PLEKHG1: variants seen among roughly 807,000 people sequenced by gnomAD.
PLEKHG1 encodes the protein pleckstrin homology domain-containing family G member 1.
PLEKHG1 carries 44 observed loss-of-function variants against 100.8 expected under a neutral mutation model. The observed-to-expected ratio is 0.44, with a 90% CI of 0.34 to 0.56. The LOEUF (loss-of-function observed/expected upper bound fraction) is 0.56, where lower values mean the gene tolerates loss of function less well. Ranked by LOEUF, PLEKHG1 falls within the 20% of genes least tolerant of loss-of-function variation. The pLI is 0.01. For synonymous variants in PLEKHG1, 640 were observed against 662.5 expected, an observed-to-expected ratio of 0.97 and a Z score of 0.52; for missense variants, 1,545 against 1,720.9, an observed-to-expected ratio of 0.90 and a Z score of 1.81.
intron 3 of PLEKHG1, among the ~76,000 whole-genome samples, chr6:150,715,595 C>T (rs1321321780): frequency 6.7e-6 from 1 of 149,488 alleles, no homozygotes; most frequent in African/African-American, 2.5e-5. Flanking sequence ...TCAAGTGATT[C>T]TCCTGCCTCA....
At chr6:150,644,951 C>A (rs1038296968) in intron 2 of PLEKHG1, among the ~76,000 whole-genome samples, 5 of 151,536 alleles carry the variant, frequency 3.3e-5, no homozygotes, top group African/African-American at 1.2e-4. Context: ...CTAGTGTAAC[C>A]CCAATCAAAT....
In PLEKHG1 at chr6:150,677,078, A is replaced by G. The variant is rs1470133645; in HGVS notation, c.-99+26292A>G. Among the ~76,000 whole-genome samples the G allele has an allele frequency of 2.0e-5, 3 of 152,252 alleles. No individual in the cohort carries two copies. In the East Asian group the frequency reaches 5.8e-4, roughly 29 times the overall value. ...AGGCTGCCACCACCTCTTCCTTAGC[A>G]GGTGTCTATCTCCATACTTGCATTG... is the stretch of plus-strand genomic sequence containing the variant. On this transcript the variant is annotated intron_variant, in intron 3 of 3. Transcript: ENST00000367326.
exon 16 of PLEKHG1, chr6:150,840,474 C>A (rs779223566): frequency 1.9e-6 from 3 of 1,614,132 alleles, no homozygotes; most frequent in Middle Eastern, 3.3e-4. Flanking sequence ...CCAAGACTCA[C>A]AGAAAGTTGT....
At position 150,600,354 on chromosome 6, in the gene PLEKHG1, C is replaced by A; in HGVS notation, c.-204+337C>A. Among the ~76,000 whole-genome samples, 1 of 152,000 alleles carries A rather than the reference C, an allele frequency of 6.6e-6. No individual in the cohort carries two copies. The highest frequency in any genetic ancestry group is 2.4e-5 in the African/African-American group (1 of 41,412). On this transcript the variant is annotated intron_variant, in intron 1 of 3. Transcript: ENST00000367326. This position sits in a 1 kb window ranked among gnomAD's most constrained non-coding sequence, Gnocchi z 6.2. ...CCAAGTTCCCGGTGCTCCCGCCCCT[C>A]GCCCCAGCGGCTGCAACATCAGCGC...
intron 3 of PLEKHG1, among the ~76,000 whole-genome samples, chr6:150,704,805 A>T (rs1166002051): frequency 6.6e-6 from 1 of 152,256 alleles, no homozygotes; most frequent in Non-Finnish European, 1.5e-5. Context: ...TAAGTCCAAG[A>T]TCAAGGTGCT....
At chr6:150,764,117 C>CTTT (rs67507838) in intron 2 of PLEKHG1, among the ~76,000 whole-genome samples, 19,284 of 145,302 alleles carry the variant, frequency 0.13, 1,460 homozygotes, top group Admixed American at 0.17. Flanking sequence ...TTTTCTTTTT[C>CTTT]TTTTTCTTTT....
rs9398027 is a variant in PLEKHG1, at chr6:150,602,804, A to G, written c.-204+2787A>G. Among the ~76,000 whole-genome samples, 13 of 152,326 alleles carry G rather than the reference A, an allele frequency of 8.5e-5. No individual in the cohort carries two copies. The East Asian group carries it at 1.9e-3, about 23-fold the overall frequency. On this transcript the variant is annotated intron_variant, in intron 1 of 3. Coordinates refer to the PLEKHG1 transcript ENST00000367326. Reference sequence around the variant, plus strand: ...TGCCCCTCTTGAACTGCACTGCCTAAGAAATGTTGGTTGCATGGAGACATA... The same window carrying G: ...TGCCCCTCTTGAACTGCACTGCCTAGGAAATGTTGGTTGCATGGAGACATA...
chr6:150,649,812 C>T (rs1259936992), intron 2 of PLEKHG1, among the ~76,000 whole-genome samples: 1 of 152,086 alleles, frequency 6.6e-6, no homozygotes, highest in African/African-American at 2.4e-5. Flanking sequence ...GAGATCGAGA[C>T]CATCCTGGCT....
intron 10 of PLEKHG1, among the ~76,000 whole-genome samples, chr6:150,817,428 A>G (rs887313349): frequency 7.2e-5 from 11 of 152,086 alleles, no homozygotes; most frequent in Non-Finnish European, 1.6e-4. Flanking sequence ...TCCAGCAGCC[A>G]TTTTGCAATT....
At chr6:150,620,175 C>T (rs947521283) in intron 1 of PLEKHG1, among the ~76,000 whole-genome samples, 6 of 151,906 alleles carry the variant, frequency 3.9e-5, no homozygotes, top group Non-Finnish European at 7.4e-5. Context: ...TGTTTTTAAT[C>T]TGAAAGGGGA....
At chr6:150,800,080 C>A (rs1213765050) in intron 5 of PLEKHG1, among the ~76,000 whole-genome samples, 1 of 152,182 alleles carries the variant, frequency 6.6e-6, no homozygotes, top group Admixed American at 6.5e-5. Flanking sequence ...GACTATCTGG[C>A]TTTCCCAGAA....
At chr6:150,728,233 C>T (rs1331155214) in intron 1 of PLEKHG1, among the ~76,000 whole-genome samples, 1 of 142,404 alleles carries the variant, frequency 7.0e-6, no homozygotes, top group Non-Finnish European at 1.5e-5. Flanking sequence ...TCTAGATCAG[C>T]ATTGTCTGAC....
chr6:150,649,990 C>G (rs1265785319), intron 2 of PLEKHG1, among the ~76,000 whole-genome samples: 2 of 148,874 alleles, frequency 1.3e-5, no homozygotes, highest in Non-Finnish European at 3.0e-5. Flanking sequence ...CCAGCCTGGG[C>G]GACAGAGCGG....
intron 15 of PLEKHG1, among the ~76,000 whole-genome samples, chr6:150,835,391 C>T (rs1029002464): frequency 3.3e-5 from 5 of 152,086 alleles, no homozygotes; most frequent in South Asian, 2.1e-4. Flanking sequence ...GTCTGCATCT[C>T]GAGCAACATC....
In PLEKHG1 at chr6:150,792,528, G is replaced by A. The variant is rs114649693; in HGVS notation, c.583-3328G>A. On this transcript the variant is annotated intron_variant, in intron 4 of 15. Transcript: ENST00000358517. The stretch of plus-strand genomic sequence containing the variant: ...TCTCTACTAAAGATAGAAATATTTA[G>A]CTGGGTGTGGTGGTGAGTGCCTGTA... Among the ~76,000 whole-genome samples the A allele has an allele frequency of 8.9e-3, 1,358 of 151,834 alleles. 22 individuals carry two copies. The highest frequency in any genetic ancestry group is 0.031 in the African/African-American group (1,272 of 41,366).
chr6:150,668,691 C>T (rs868392897), intron 3 of PLEKHG1, among the ~76,000 whole-genome samples: 1 of 152,082 alleles, frequency 6.6e-6, no homozygotes, highest in Non-Finnish European at 1.5e-5. Flanking sequence ...AACCGGAATG[C>T]TTTATGTGTA....
At chr6:150,638,187 A>G (rs1778094734) in intron 2 of PLEKHG1, 1 of 152,370 alleles carries the variant, frequency 6.6e-6, no homozygotes, top group South Asian at 2.1e-4. Flanking sequence ...CAGCATCAGA[A>G]GCACATACTG....
At chr6:150,783,604 A>G (rs1022538988) in intron 3 of PLEKHG1, among the ~76,000 whole-genome samples, 2 of 152,144 alleles carry the variant, frequency 1.3e-5, no homozygotes, top group Admixed American at 1.3e-4. Context: ...TCCTGACCTC[A>G]GGTCATCTGC....
At chr6:150,839,314 C>T (rs1777390098) in intron 15 of PLEKHG1, among the ~76,000 whole-genome samples, 1 of 152,142 alleles carries the variant, frequency 6.6e-6, no homozygotes, top group Non-Finnish European at 1.5e-5. Context: ...TGGGGTTTCA[C>T]CATGTTGGCC....
Sources: allele counts gnomAD v4.1 joint callset (sites outside exome capture counted in the v4.1 genomes callset), GRCh38; gene constraint gnomAD v4.1.1; non-coding constraint Gnocchi (gnomAD v3.1); transcripts MANE v1.5; gene names NCBI Gene and HGNC (gene_info 2026-07-23, HGNC 2026-07-21).